The following SLC7A7 variants were observed in gnomAD, a reference collection of about 807,000 sequenced individuals.
The protein encoded by SLC7A7 is Y+L amino acid transporter 1.
In SLC7A7, 39 loss-of-function variants were observed where a neutral mutation model predicts 47.9. That is an observed-to-expected ratio of 0.81 (90% confidence interval 0.63 to 1.06). SLC7A7 has a LOEUF of 1.06. SLC7A7 is among the 50% of genes least tolerant of loss of function. The pLI is 0.00. For missense variants in SLC7A7, 588 were observed against 632.0 expected, an observed-to-expected ratio of 0.93 and a Z score of 0.75; for synonymous variants, 234 against 242.8, an observed-to-expected ratio of 0.96 and a Z score of 0.34.
At chr14:22,800,267 A>T (rs1427527186) in intron 2 of SLC7A7, among the ~76,000 whole-genome samples, 1 of 152,230 alleles carries the variant, frequency 6.6e-6, no homozygotes, top group African/African-American at 2.4e-5. Flanking sequence ...AAGACAGCCC[A>T]CCAAACTCCT....
At chr14:22,784,699 C>T (rs536852823) in intron 2 of SLC7A7, among the ~76,000 whole-genome samples, 1 of 152,108 alleles carries the variant, frequency 6.6e-6, no homozygotes, top group East Asian at 1.9e-4. Context: ...TACATACGGT[C>T]CCCGGGAGTA....
rs35500075 is a variant in SLC7A7 at position 22,777,571 on chromosome 14, C to CA, written c.770+1221dup. Among the ~76,000 whole-genome samples the CA allele has an allele frequency of 2.6e-3, 393 of 150,370 alleles. 2 individuals carry two copies. Among genetic ancestry groups the CA allele is most frequent in the African/African-American group, 7.2e-3 (295 of 41,104 alleles). On this transcript the variant is annotated intron_variant, in intron 4 of 9. Coordinates refer to ENST00000674313, the MANE Select transcript of SLC7A7 (RefSeq NM_003982.4). ...TAAGCATCCTTAACAGTAAGGCTGC[C>CA]AAAAAAAAAGCACAAAGTGGGGCAA...
At chr14:22,774,207 G>A in intron 8 of SLC7A7, 91 bp from the exon 9 acceptor site, 1 of 1,583,146 alleles carries the variant, frequency 6.3e-7, no homozygotes, top group Non-Finnish European at 8.7e-7. Flanking sequence ...AGCGCACTGA[G>A]CCTTCTTTCC....
chr14:22,779,793 A>G (rs781038424), intron 3 of SLC7A7, 133 bp downstream of exon 3: 47 of 888,850 alleles, frequency 5.3e-5, no homozygotes, highest in Admixed American at 8.7e-5. Flanking sequence ...TCATCCATAA[A>G]ATGAGAATAA....
At chr14:22,773,837 G>A (rs1435341371) in intron 9 of SLC7A7, 96 bp downstream of exon 9, 9 of 1,566,224 alleles carry the variant, frequency 5.7e-6, no homozygotes, top group Non-Finnish European at 7.9e-6. Context: ...CATAAGAAGG[G>A]GCTAAGGCAA....
At chr14:22,776,832 G>C (rs893364627) in intron 4 of SLC7A7, among the ~76,000 whole-genome samples, 29 of 152,176 alleles carry the variant, frequency 1.9e-4, no homozygotes, top group Admixed American at 1.9e-3. Flanking sequence ...AGCCAGGCAT[G>C]GTGGCATGCA....
intron 2 of SLC7A7, among the ~76,000 whole-genome samples, chr14:22,811,844 CAAAAAAAAAA>C (rs57356836): frequency 8.0e-6 from 1 of 125,176 alleles, no homozygotes; most frequent in Non-Finnish European, 1.6e-5. Context: ...GACTCTATCT[CAAAAAAAAAA>C]AAAAAAAAAA....
In SLC7A7 at chr14:22,775,828, C is replaced by T. The variant is rs554612459; in HGVS notation, c.998+5G>A. The stretch of plus-strand genomic sequence containing the variant: ...TACACCCCTCACAAAAGTTGCCACT[C>T]TTACCTAGAAGCAGCCACAATGGAG... On this transcript the variant is annotated splice_donor_5th_base_variant and intron_variant, in intron 6 of 9. Coordinates refer to ENST00000674313, the MANE Select transcript of SLC7A7 (RefSeq NM_003982.4). 3.1e-6 allele frequency: 5 copies of T among 1,611,472 alleles called. No homozygotes were observed. The highest frequency in any genetic ancestry group is 3.4e-6 in the Non-Finnish European group (4 of 1,177,568).
Position 22,813,438 on chromosome 14 carries a change from G to T in SLC7A7, c.-40C>A. On this transcript the variant is annotated splice_region_variant and 5_prime_UTR_variant, in exon 2 of 10. Transcript: ENST00000674313. ...AACCCTTCACCAGCTTCCTGGCATT[G>T]CCCTTTAAGGAAGAAAGATGATGCT... 1.2e-6 allele frequency: 2 copies of T among 1,602,888 alleles called. No individual in the cohort carries two copies. Among genetic ancestry groups the T allele is most frequent in the Non-Finnish European group, 1.7e-6 (2 of 1,179,722 alleles).
chr14:22,813,478 T>G, intron 1 of SLC7A7, 38 bp from the exon 2 acceptor site: 1 of 1,575,800 alleles, frequency 6.3e-7, no homozygotes, highest in Admixed American at 1.7e-5. Context: ...ATTAGGTGGT[T>G]GGCAATTACA....
upstream of SLC7A7, chr14:22,816,218 G>C (rs1365506588): frequency 1.9e-5 from 3 of 158,054 alleles, no homozygotes; most frequent in Non-Finnish European, 2.8e-5. Context: ...CAGGCCAGAC[G>C]CGGTGGCTCA....
intron 2 of SLC7A7, among the ~76,000 whole-genome samples, chr14:22,784,615 T>C (rs1370551966): frequency 6.8e-6 from 1 of 147,450 alleles, no homozygotes; most frequent in Non-Finnish European, 1.5e-5. Flanking sequence ...AGACTCCATC[T>C]CAAAAAAAAA....
Position 22,773,978 on chromosome 14 carries a change from T to C in SLC7A7, c.1384A>G (p.Arg462Gly), listed in dbSNP as rs747825586. ...AGCGGTCGCTTATGTTCTGGCACTC[T>C]GATGATGAGGAAGTAAAAGGGCAGG... ...SGLPFYFLIIRVPEHKRPLYL... is the reference protein window; with the variant it reads ...SGLPFYFLIIGVPEHKRPLYL... The change falls in exon 9 of 10, where the codon AGA (arginine) becomes GGA (glycine). Residue 462 changes from arginine to glycine, a missense_variant. Coordinates refer to ENST00000674313, the MANE Select transcript of SLC7A7 (RefSeq NM_003982.4). The C allele has an allele frequency of 7.4e-6, 12 of 1,613,188 alleles. No individual in the cohort carries two copies. In the East Asian group the frequency reaches 2.5e-4, roughly 33 times the overall value.
upstream of SLC7A7, chr14:22,819,727 G>C (rs8015849): frequency 6.6e-6 from 1 of 152,486 alleles, no homozygotes; most frequent in Non-Finnish European, 1.5e-5. Flanking sequence ...AGAACCAAGC[G>C]TATCGCTCAT....
chr14:22,784,390 T>C (rs1203153314), intron 2 of SLC7A7, among the ~76,000 whole-genome samples: 3 of 151,880 alleles, frequency 2.0e-5, no homozygotes, highest in South Asian at 2.1e-4. Context: ...GAGGCCGAGG[T>C]GGACAGATCA....
At chr14:22,790,782 G>C (rs955029568) in intron 2 of SLC7A7, among the ~76,000 whole-genome samples, 1 of 151,904 alleles carries the variant, frequency 6.6e-6, no homozygotes, top group Non-Finnish European at 1.5e-5. Context: ...GACGAATCAC[G>C]AGTTCAAGAG....
Position 22,773,956 on chromosome 14 carries a change from G to C in SLC7A7, c.1406C>G (p.Pro469Arg), listed in dbSNP as rs142739200. The C allele has an allele frequency of 6.2e-7, 1 of 1,614,150 alleles. No individual in the cohort carries two copies. The part of the protein sequence containing the change: ...LIIRVPEHKR[P>R]LYLRRIVGSA... Reference sequence around the variant, plus strand: ...ACCCACGATCCTTCGGAGGTAAAGCGGTCGCTTATGTTCTGGCACTCTGAT... The same window carrying C: ...ACCCACGATCCTTCGGAGGTAAAGCCGTCGCTTATGTTCTGGCACTCTGAT... The change falls in exon 9 of 10, where the codon CCG becomes CGG. Residue 469 changes from proline to arginine, a missense_variant. Transcript: ENST00000674313.
intron 4 of SLC7A7, among the ~76,000 whole-genome samples, chr14:22,778,408 G>C (rs1256606207): frequency 6.6e-6 from 1 of 152,166 alleles, no homozygotes; most frequent in African/African-American, 2.4e-5. Context: ...AGGTATCAGA[G>C]GGAAACACAG....
chr14:22,789,908 A>C (rs1046286529), intron 2 of SLC7A7, among the ~76,000 whole-genome samples: 1 of 152,150 alleles, frequency 6.6e-6, no homozygotes, highest in African/African-American at 2.4e-5. Flanking sequence ...AGAAAGAAAC[A>C]CAGTGCTACT....
Sources: allele counts gnomAD v4.1 joint callset (sites outside exome capture counted in the v4.1 genomes callset), GRCh38; gene constraint gnomAD v4.1.1; transcripts MANE v1.5; gene names NCBI Gene and HGNC (gene_info 2026-07-23, HGNC 2026-07-21).